The following ARHGEF26 variants were observed in gnomAD, a reference collection of about 807,000 sequenced individuals.
ARHGEF26 encodes Rho guanine nucleotide exchange factor (GEF) 26.
ARHGEF26 carries 59 observed loss-of-function variants against 89.4 expected under a neutral mutation model. The ratio of observed to expected loss-of-function variants is 0.66; its 90% CI spans 0.54 to 0.82. The LOEUF (loss-of-function observed/expected upper bound fraction) is 0.82, where lower values mean the gene tolerates loss of function less well. Among genes scored for constraint, ARHGEF26 ranks in the 40% least tolerant of loss-of-function variants. The pLI is 0.00. For missense variants in ARHGEF26, 1,234 were observed against 1,085.6 expected (o/e 1.14, Z -1.92); for synonymous variants, 500 against 428.4 (o/e 1.17, Z -2.06).
chr3:154,212,690 A>G (rs1013265384), intron 9 of ARHGEF26, among the ~76,000 whole-genome samples: 106 of 152,264 alleles, frequency 7.0e-4, no homozygotes, highest in African/African-American at 2.5e-3. Flanking sequence ...AGGAGCACAC[A>G]GCCTAGATCC....
chr3:154,212,231 T>C (rs916440070), intron 9 of ARHGEF26, among the ~76,000 whole-genome samples: 1 of 151,690 alleles, frequency 6.6e-6, no homozygotes, highest in Non-Finnish European at 1.5e-5. Context: ...CTTGGGAGAC[T>C]GAGGTGGGAG....
intron 12 of ARHGEF26, among the ~76,000 whole-genome samples, chr3:154,241,907 G>A (rs180860336): frequency 1.7e-4 from 26 of 152,264 alleles, no homozygotes; most frequent in Middle Eastern, 3.4e-3. Flanking sequence ...GACTTAGTAG[G>A]GTTCTTTGCT....
At chr3:154,169,233 T>C (rs1712259910) in intron 6 of ARHGEF26, among the ~76,000 whole-genome samples, 1 of 152,148 alleles carries the variant, frequency 6.6e-6, no homozygotes, top group African/African-American at 2.4e-5. Context: ...CCTGATACAT[T>C]TGTGAGTGAC....
chr3:154,164,532 G>A (rs925110959), intron 6 of ARHGEF26, among the ~76,000 whole-genome samples: 11 of 152,058 alleles, frequency 7.2e-5, no homozygotes, highest in Non-Finnish European at 1.3e-4. Flanking sequence ...TGGTGGAAAG[G>A]TTCCATAGAA....
chr3:154,150,787 G>A (rs568329132), intron 5 of ARHGEF26, among the ~76,000 whole-genome samples: 11 of 151,950 alleles, frequency 7.2e-5, no homozygotes, highest in African/African-American at 2.7e-4. Context: ...ATATAACCTT[G>A]CCTATTTCTA....
At chr3:154,240,296 A>G (rs902560046) in intron 11 of ARHGEF26, 74 bp from the exon 12 acceptor site, 1 of 1,163,704 alleles carries the variant, frequency 8.6e-7, no homozygotes, top group Non-Finnish European at 1.2e-6. Flanking sequence ...TTCCACCAAA[A>G]TGTGCCTCGA....
chr3:154,167,500 C>G (rs905053274), intron 6 of ARHGEF26, among the ~76,000 whole-genome samples: 2 of 152,102 alleles, frequency 1.3e-5, no homozygotes, highest in African/African-American at 2.4e-5. Flanking sequence ...ATAATTCAGT[C>G]TAGTCTCTAG....
chr3:154,220,639 A>G (rs918613933), intron 10 of ARHGEF26, among the ~76,000 whole-genome samples: 6 of 152,174 alleles, frequency 3.9e-5, no homozygotes, highest in Admixed American at 6.5e-5. Flanking sequence ...TCCTGCGGAC[A>G]GCCCTGTGTA....
At chr3:154,230,320 T>G (rs1022418202) in intron 11 of ARHGEF26, among the ~76,000 whole-genome samples, 3 of 152,190 alleles carry the variant, frequency 2.0e-5, no homozygotes, top group Non-Finnish European at 2.9e-5. Flanking sequence ...AAAAGAGAGA[T>G]AAAATATCTT....
intron 3 of ARHGEF26, among the ~76,000 whole-genome samples, chr3:154,128,213 A>G (rs915641147): frequency 6.6e-6 from 1 of 152,168 alleles, no homozygotes; most frequent in Non-Finnish European, 1.5e-5. Flanking sequence ...AAGGCCCTAC[A>G]TGATCAGCCC....
intron 11 of ARHGEF26, among the ~76,000 whole-genome samples, chr3:154,239,260 GGGAGAGAGAGAGAGA>G: frequency 8.6e-6 from 1 of 115,822 alleles, no homozygotes; most frequent in South Asian, 3.2e-4. Context: ...GAGAGAGAGA[GGGAGAGAGAGAGAGA>G]GAGAGAGAGA....
At chr3:154,227,584 A>C (rs1716571628) in intron 11 of ARHGEF26, among the ~76,000 whole-genome samples, 1 of 152,152 alleles carries the variant, frequency 6.6e-6, no homozygotes, top group Admixed American at 6.5e-5. Context: ...CCCAGCCGTA[A>C]ATTTTATAAA....
At chr3:154,254,119 G>C (rs1718331226) in intron 13 of ARHGEF26, among the ~76,000 whole-genome samples, 1 of 152,080 alleles carries the variant, frequency 6.6e-6, no homozygotes, top group Non-Finnish European at 1.5e-5. Flanking sequence ...GTTTCACCGT[G>C]TTAGCCAGGA....
intron 9 of ARHGEF26, among the ~76,000 whole-genome samples, chr3:154,205,179 G>A (rs1714938440): frequency 6.6e-6 from 1 of 152,012 alleles, no homozygotes; most frequent in Non-Finnish European, 1.5e-5. Flanking sequence ...ATATATCTAT[G>A]TGTTCCAGTG....
At chr3:154,139,555 T>G (rs1369760480) in intron 4 of ARHGEF26, among the ~76,000 whole-genome samples, 2 of 152,178 alleles carry the variant, frequency 1.3e-5, no homozygotes, top group African/African-American at 4.8e-5. Flanking sequence ...TGCAGATTCA[T>G]CTATGGGATT....
chr3:154,147,630 T>A (rs370672416), intron 4 of ARHGEF26, among the ~76,000 whole-genome samples: 4 of 152,344 alleles, frequency 2.6e-5, no homozygotes, highest in East Asian at 3.9e-4. Flanking sequence ...ATTTTAAGAC[T>A]ATAGGTATAA....
chr3:154,155,655 T>C (rs1720295538), intron 6 of ARHGEF26, among the ~76,000 whole-genome samples: 1 of 152,046 alleles, frequency 6.6e-6, no homozygotes, highest in Non-Finnish European at 1.5e-5. Context: ...ATACTTATAA[T>C]TCATACCAAG....
intron 7 of ARHGEF26, 70 bp downstream of exon 7, chr3:154,187,907 T>G (rs1448850615): frequency 2.2e-6 from 3 of 1,366,904 alleles, no homozygotes; most frequent in African/African-American, 1.4e-5. Context: ...TGACTGAAAT[T>G]AATTGATCTT....
rs909813869 is a variant in ARHGEF26, at chr3:154,255,681, C to A, written c.*208C>A. ...GCACAGCTCAGTTTTTACCTAACCA[C>A]ACACTTGCAGACCTCCTGAGGTACA... On this transcript the variant is annotated 3_prime_UTR_variant, in exon 15 of 15. Transcript: ENST00000465093. 1.3e-5 allele frequency: 18 copies of A among 1,383,984 alleles called. No individual in the cohort carries two copies. The highest frequency in any genetic ancestry group is 1.6e-5 in the Non-Finnish European group (17 of 1,075,502). The allele number at this position is 1,383,984 out of a possible 1,614,324, so 85.7% of individuals were successfully genotyped here.
Sources: allele counts gnomAD v4.1 joint callset (sites outside exome capture counted in the v4.1 genomes callset), GRCh38; gene constraint gnomAD v4.1.1; transcripts MANE v1.5; gene names NCBI Gene and HGNC (gene_info 2026-07-23, HGNC 2026-07-21).